The following SLC38A12 variants were observed in gnomAD, a reference collection of about 807,000 sequenced individuals.
SLC38A12 encodes the protein solute carrier family 38 member 12, also known as putative sodium-coupled neutral amino acid transporter 12.
At chr17:74,835,352 GC>G in the SLC38A12 span, among the ~76,000 whole-genome samples, 1 of 152,162 alleles carries the variant, frequency 6.6e-6, no homozygotes, top group Non-Finnish European at 1.5e-5. Context: ...TCACCTGTCT[GC>G]CCAGGGCTCC....
chr17:74,787,088 G>A, the SLC38A12 span, among the ~76,000 whole-genome samples: 1 of 152,192 alleles, frequency 6.6e-6, no homozygotes, highest in Non-Finnish European at 1.5e-5. Context: ...CCTTAAAATG[G>A]TCACTTAGGC....
the SLC38A12 span, chr17:74,790,401 C>T: frequency 4.8e-6 from 5 of 1,039,300 alleles, no homozygotes; most frequent in African/African-American, 7.8e-5. Context: ...TCTGGCATTT[C>T]CTGCCCCTGG....
chr17:74,824,146 C>T, the SLC38A12 span, among the ~76,000 whole-genome samples: 1 of 152,204 alleles, frequency 6.6e-6, no homozygotes, highest in Admixed American at 6.5e-5. Context: ...GATCTAGGAG[C>T]ACCCAGGTTT....
the SLC38A12 span, among the ~76,000 whole-genome samples, chr17:74,822,828 C>T: frequency 6.6e-6 from 1 of 152,234 alleles, no homozygotes; most frequent in Admixed American, 6.5e-5. Context: ...GTGTGTCCCC[C>T]TCCCAGCCCC....
At chr17:74,801,631 G>A in the SLC38A12 span, among the ~76,000 whole-genome samples, 8 of 152,174 alleles carry the variant, frequency 5.3e-5, no homozygotes, top group Non-Finnish European at 1.0e-4. Context: ...AAAAATGTGC[G>A]TGCCCGTACC....
the SLC38A12 span, chr17:74,836,097 C>T: frequency 8.7e-6 from 14 of 1,613,842 alleles, no homozygotes; most frequent in East Asian, 2.2e-5. This position sits in a 1 kb window ranked among gnomAD's most constrained non-coding sequence, Gnocchi z 4.2. Flanking sequence ...CTCCTCCAAG[C>T]GCCACCTCAC....
At chr17:74,813,126 G>T in the SLC38A12 span, among the ~76,000 whole-genome samples, 1 of 152,204 alleles carries the variant, frequency 6.6e-6, no homozygotes, top group Admixed American at 6.5e-5. Context: ...CCCCACTTCA[G>T]TTCCAAGCCT....
At chr17:74,816,183 G>A in the SLC38A12 span, among the ~76,000 whole-genome samples, 1 of 152,246 alleles carries the variant, frequency 6.6e-6, no homozygotes, top group African/African-American at 2.4e-5. Flanking sequence ...GCGTAGGACT[G>A]GGCTCTGTCC....
At chr17:74,836,811 A>G in the SLC38A12 span, 1 of 1,439,762 alleles carries the variant, frequency 6.9e-7, no homozygotes, top group Non-Finnish European at 9.1e-7. The surrounding 1 kb of genome is among the most constrained non-coding windows in gnomAD (Gnocchi z 4.2). Flanking sequence ...GCTCTAGGGG[A>G]AACCCCCTGT....
chr17:74,814,377 T>C, the SLC38A12 span, among the ~76,000 whole-genome samples: 1 of 151,986 alleles, frequency 6.6e-6, no homozygotes, highest in African/African-American at 2.4e-5. Context: ...TGTGGGGATC[T>C]TGGAGATGCT....
At chr17:74,838,732 G>A in the SLC38A12 span, 5 of 1,445,416 alleles carry the variant, frequency 3.5e-6, no homozygotes, top group African/African-American at 1.4e-5. Flanking sequence ...TTCTGCCGCT[G>A]ACGGCCAATG....
the SLC38A12 span, among the ~76,000 whole-genome samples, chr17:74,833,472 G>A: frequency 1.2e-3 from 182 of 152,326 alleles, no homozygotes; most frequent in African/African-American, 4.0e-3. Context: ...TCATTTCTTT[G>A]GAAACCTACT....
chr17:74,790,014 T>A, the SLC38A12 span, among the ~76,000 whole-genome samples: 8 of 150,886 alleles, frequency 5.3e-5, no homozygotes, highest in African/African-American at 2.0e-4. Flanking sequence ...AGTGCAGTGT[T>A]GCAATCACGG....
chr17:74,809,944 G>A, the SLC38A12 span, among the ~76,000 whole-genome samples: 5 of 152,280 alleles, frequency 3.3e-5, no homozygotes, highest in East Asian at 3.9e-4. Context: ...CTAGCTGGGC[G>A]AAGGGACGGG....
At chr17:74,784,047 A>C in the SLC38A12 span, among the ~76,000 whole-genome samples, 1 of 151,940 alleles carries the variant, frequency 6.6e-6, no homozygotes, top group African/African-American at 2.4e-5. Flanking sequence ...TTAAAAAAAA[A>C]AAAACAAAAT....
At chr17:74,836,337 A>C in the SLC38A12 span, 97 of 1,612,838 alleles carry the variant, frequency 6.0e-5, no homozygotes, top group Non-Finnish European at 8.0e-5. The surrounding 1 kb of genome is among the most constrained non-coding windows in gnomAD (Gnocchi z 4.2). Context: ...CAACAACTGG[A>C]AGACACTCTT....
At chr17:74,815,330 C>A in the SLC38A12 span, among the ~76,000 whole-genome samples, 1 of 152,140 alleles carries the variant, frequency 6.6e-6, no homozygotes, top group African/African-American at 2.4e-5. Context: ...GTGGCTGGGA[C>A]AATGCGGCCT....
At chr17:74,781,844 C>T in the SLC38A12 span, among the ~76,000 whole-genome samples, 1 of 152,200 alleles carries the variant, frequency 6.6e-6, no homozygotes, top group East Asian at 1.9e-4. Context: ...CAGCCTCTTC[C>T]AGCCCCACCC....
At chr17:74,819,715 C>G in the SLC38A12 span, 1 of 1,595,620 alleles carries the variant, frequency 6.3e-7, no homozygotes, top group East Asian at 2.2e-5. Flanking sequence ...GCTGGTGCGG[C>G]CTGCACCCTC....
Sources: allele counts gnomAD v4.1 joint callset (sites outside exome capture counted in the v4.1 genomes callset), GRCh38; gene constraint gnomAD v4.1.1; non-coding constraint Gnocchi (gnomAD v3.1); transcripts MANE v1.5; gene names NCBI Gene and HGNC (gene_info 2026-07-23, HGNC 2026-07-21).